The following MCM4 variants were observed in gnomAD, a reference collection of about 807,000 sequenced individuals.
The protein encoded by MCM4 is DNA replication licensing factor MCM4.
Under a neutral mutation model 88.7 loss-of-function variants are expected in MCM4, and 60 were observed. The observed-to-expected ratio is 0.68, with a 90% CI of 0.55 to 0.84. The LOEUF is 0.84. Among genes scored for constraint, MCM4 ranks in the 40% least tolerant of loss-of-function variants. The probability of loss-of-function intolerance (pLI) is 0.00; values close to 1 mark genes in which losing one functional copy is unlikely to be tolerated. For missense variants in MCM4, 1,149 were observed against 1,105.5 expected, an observed-to-expected ratio of 1.04 and a Z score of -0.56; for synonymous variants, 465 against 410.5, an observed-to-expected ratio of 1.13 and a Z score of -1.61.
rs185292545 is a variant in MCM4 at position 47,967,806 on chromosome 8, G to T, written c.1174+321G>T. On this transcript the variant is annotated intron_variant, in intron 10 of 16. Coordinates refer to ENST00000649973, the MANE Select transcript of MCM4 (RefSeq NM_182746.3). ...GTACTGTTGGCATCATGAGAGAGCA[G>T]CCTCAGACAGGCTTGTATGGGTAAA... Among the ~76,000 whole-genome samples the T allele has an allele frequency of 2.2e-4, 33 of 152,316 alleles. 1 individual carries two copies. Among genetic ancestry groups the T allele is most frequent in the Middle Eastern group, 3.4e-3 (1 of 294 alleles).
chr8:47,965,826 A>G (rs1267241839), intron 8 of MCM4, among the ~76,000 whole-genome samples: 2 of 152,084 alleles, frequency 1.3e-5, no homozygotes, highest in Non-Finnish European at 2.9e-5. Context: ...ACCCCATTCT[A>G]TAGGGGACAC....
At chr8:47,963,707 A>G (rs2090869703) in intron 7 of MCM4, among the ~76,000 whole-genome samples, 1 of 152,226 alleles carries the variant, frequency 6.6e-6, no homozygotes, top group African/African-American at 2.4e-5. Flanking sequence ...ATTGTACTGT[A>G]GACTTTTACT....
At chr8:47,974,704 C>T in intron 14 of MCM4, 30 bp from the exon 15 acceptor site, 2 of 1,578,774 alleles carry the variant, frequency 1.3e-6, no homozygotes, top group South Asian at 1.1e-5. Context: ...AGGAGGTTTG[C>T]TTTTGCTTTT....
At chr8:47,962,924 T>C (rs1462752903) in intron 6 of MCM4, 21 bp from the exon 7 acceptor site, 1 of 1,574,910 alleles carries the variant, frequency 6.3e-7, no homozygotes, top group East Asian at 2.2e-5. Context: ...AAAATATAAC[T>C]TGTTCATTTT....
At position 47,972,998 on chromosome 8, in the gene MCM4, C is replaced by T. The variant is rs781620519; in HGVS notation, c.2070C>T (p.Tyr690=). 9 of 1,614,064 alleles carry T rather than the reference C, an allele frequency of 5.6e-6. No homozygotes were observed. The highest frequency in any genetic ancestry group is 1.7e-5 in the Admixed American group (1 of 60,002). Residue 690 remains tyrosine (Y), a synonymous_variant, in exon 14 of 17, where the codon TAC becomes TAT. Transcript: ENST00000649973. ...TGGACATGGCGGTGCTAAAGGACTACATTGCCTACGCGCACAGCACCATCA... is the reference window on the plus strand; with the variant it reads ...TGGACATGGCGGTGCTAAAGGACTATATTGCCTACGCGCACAGCACCATCA... ...ELLDMAVLKD[Y]IAYAHSTIMP...
intron 15 of MCM4, 28 bp downstream of exon 15, chr8:47,974,990 C>T (rs1425624682): frequency 6.4e-7 from 1 of 1,555,710 alleles, no homozygotes; most frequent in African/African-American, 1.4e-5. Context: ...AACAGAAAAG[C>T]TTTTGAAAAT....
At position 47,976,772 on chromosome 8, in the gene MCM4, G is replaced by T. The variant is rs780654915; in HGVS notation, c.2586G>T (p.Leu862Phe). The change falls in exon 17 of 17, where the codon TTG (leucine) becomes TTT (phenylalanine). Residue 862 changes from leucine (L) to phenylalanine (F), a missense_variant. By Grantham distance (22) the Leu-to-Phe change is conservative. Transcript: ENST00000649973. ...FLTVTGKTVRLL is the reference protein window; with the variant it reads ...FLTVTGKTVRFL ...CAGTGACTGGGAAGACCGTGCGCTTGCTCTGAAGCCTTGTGAGCAAGGAAG... is the reference window on the plus strand; with the variant it reads ...CAGTGACTGGGAAGACCGTGCGCTTTCTCTGAAGCCTTGTGAGCAAGGAAG... 4.3e-6 allele frequency: 7 copies of T among 1,609,864 alleles called. No homozygotes were observed. The highest frequency in any genetic ancestry group is 2.2e-5 in the East Asian group (1 of 44,824).
At chr8:47,961,250 G>T (rs938925784) in intron 2 of MCM4, 36 bp downstream of exon 2, 22 of 1,458,748 alleles carry the variant, frequency 1.5e-5, no homozygotes, top group Non-Finnish European at 1.9e-5. Flanking sequence ...ACAGCCCCCG[G>T]CGCCGCCCCG....
At chr8:47,975,098 G>C (rs1052468999) in intron 15 of MCM4, 136 bp downstream of exon 15, 4 of 639,582 alleles carry the variant, frequency 6.3e-6, no homozygotes, top group Non-Finnish European at 7.9e-6. Context: ...GGACCCCTTT[G>C]AGAATCTGAT....
Position 47,970,939 on chromosome 8 carries a change from G to C in MCM4, c.1800+63G>C. The C allele has an allele frequency of 2.6e-6, 4 of 1,522,134 alleles. No homozygotes were observed. In the South Asian group the frequency reaches 5.1e-5, roughly 19 times the overall value. The allele number at this position is 1,522,134 out of a possible 1,614,324, so 94.3% of individuals were successfully genotyped here. ...AAAATATGTGGACCCTTGAAAGACA[G>C]GGTCTGTGGAACTGTGCTGTGCTAC... On this transcript the variant is annotated intron_variant, in intron 12 of 16. Coordinates refer to ENST00000649973, the MANE Select transcript of MCM4 (RefSeq NM_182746.3).
chr8:47,967,321 C>T, intron 9 of MCM4, 44 bp from the exon 10 acceptor site: 1 of 1,611,758 alleles, frequency 6.2e-7, no homozygotes, highest in Non-Finnish European at 8.5e-7. Context: ...TGTCCCCCTG[C>T]CCTCTCTTTG....
chr8:47,974,643 A>C (rs2090985847), intron 14 of MCM4, 91 bp from the exon 15 acceptor site: 1 of 962,134 alleles, frequency 1.0e-6, no homozygotes, highest in Non-Finnish European at 1.6e-6. Flanking sequence ...CCGTTTACTT[A>C]ATGGAAGCCT....
At chr8:47,965,176 T>C (rs1044278927) in intron 8 of MCM4, among the ~76,000 whole-genome samples, 1 of 151,252 alleles carries the variant, frequency 6.6e-6, no homozygotes, top group Non-Finnish European at 1.5e-5. Context: ...GGCTGTGCCA[T>C]TGCACTCCAG....
At position 47,966,597 on chromosome 8, in the gene MCM4, C is replaced by G. The variant is rs576145311; in HGVS notation, c.1053+190C>G. ...CACGCAAAGCCCCTGCTTCAGGGCA[C>G]TGTCCCTGTGCTGTTGCCAGTGGCA... On this transcript the variant is annotated intron_variant, in intron 9 of 16. Transcript: ENST00000649973. 5.3e-5 allele frequency among the ~76,000 whole-genome samples: 8 copies of G among 152,346 alleles called. No homozygotes were observed. The East Asian group carries it at 1.5e-3, about 29-fold the overall frequency.
intron 15 of MCM4, chr8:47,975,242 A>G: frequency 3.3e-6 from 1 of 306,696 alleles, no homozygotes; most frequent in East Asian, 7.3e-5. Flanking sequence ...GTTTAGTTAC[A>G]TATGTACGCA....
At chr8:47,972,659 C>T (rs918216855) in intron 13 of MCM4, among the ~76,000 whole-genome samples, 198 bp from the exon 14 acceptor site, 4 of 151,962 alleles carry the variant, frequency 2.6e-5, no homozygotes, top group East Asian at 3.9e-4. Flanking sequence ...CAGGTTCAAG[C>T]GATTCTCCTG....
In MCM4 at chr8:47,961,099, G is replaced by A. The variant is rs770935933; in HGVS notation, c.-14-32G>A. ...GAGCAGGGCAGGGAAGCCGGGAGGC[G>A]GGCCCGGCCCGAGCTTGTCCTTGTC... On this transcript the variant is annotated intron_variant, in intron 1 of 16. Transcript: ENST00000649973. 5.3e-6 allele frequency: 8 copies of A among 1,515,468 alleles called. No individual in the cohort carries two copies. In the African/African-American group the frequency reaches 1.0e-4, roughly 19 times the overall value. 93.9% of individuals were successfully genotyped at this position (1,515,468 alleles called of 1,614,324 possible).
chr8:47,964,178 A>G (rs1250750640), intron 7 of MCM4, among the ~76,000 whole-genome samples: 3 of 152,220 alleles, frequency 2.0e-5, no homozygotes, highest in Non-Finnish European at 4.4e-5. Context: ...AGCCAAGATC[A>G]TGCTGTTGCA....
rs1285937532 is a variant in MCM4 at position 47,968,762 on chromosome 8, ACGGGGAAAG to A, written c.1175-1035_1175-1027del. Among the ~76,000 whole-genome samples the A allele has an allele frequency of 2.9e-3, 442 of 152,382 alleles. 3 individuals are homozygous for A. The highest frequency in any genetic ancestry group is 0.01 in the African/African-American group (433 of 41,598). On this transcript the variant is annotated intron_variant, in intron 10 of 16. Coordinates refer to ENST00000649973, the MANE Select transcript of MCM4 (RefSeq NM_182746.3). ...GTGCCATTGCGTTGAGATAGCTGTA[ACGGGGAAAG>A]GCCAGGCTTTCTCCAAAAGCTGCAG...
Sources: gnomAD v4.1 joint callset for allele counts (sites outside exome capture counted in the v4.1 genomes callset) on GRCh38, gnomAD v4.1.1 for gene constraint, MANE v1.5 for transcripts, NCBI Gene and HGNC (gene_info 2026-07-23, HGNC 2026-07-21) for gene names.